PARD3B: variants seen among roughly 807,000 people sequenced by gnomAD.
The protein encoded by PARD3B is par-3 family cell polarity regulator beta.
A neutral mutation model predicts 130.2 loss-of-function variants in PARD3B; 103 were observed. The observed-to-expected ratio is 0.79, with a 90% CI of 0.67 to 0.93. PARD3B has a LOEUF of 0.93. Ranked by LOEUF, PARD3B falls within the 40% of genes least tolerant of loss-of-function variation. The probability of loss-of-function intolerance (pLI) is 0.00; values close to 1 mark genes in which losing one functional copy is unlikely to be tolerated. For synonymous variants in PARD3B, 583 were observed against 553.2 expected (o/e 1.05, Z -0.76); for missense variants, 1,609 against 1,499.2 (o/e 1.07, Z -1.21).
At chr2:205,529,803 T>C (rs2051507062) in intron 21 of PARD3B, among the ~76,000 whole-genome samples, 4 of 152,228 alleles carry the variant, frequency 2.6e-5, no homozygotes, top group Admixed American at 1.3e-4. Flanking sequence ...GTTTTCTTTT[T>C]TCATTTTTTA....
chr2:204,834,579 G>A (rs1349510328), intron 2 of PARD3B, among the ~76,000 whole-genome samples: 1 of 152,162 alleles, frequency 6.6e-6, no homozygotes, highest in East Asian at 1.9e-4. Flanking sequence ...AGATTTTAGA[G>A]TAGCATGTAT....
At chr2:205,479,106 T>C (rs1227233275) in intron 20 of PARD3B, among the ~76,000 whole-genome samples, 1 of 152,180 alleles carries the variant, frequency 6.6e-6, no homozygotes. Context: ...CACAAAGTCA[T>C]GAAGGATATA....
At chr2:205,041,779 C>T (rs1368068984) in intron 3 of PARD3B, among the ~76,000 whole-genome samples, 1 of 152,050 alleles carries the variant, frequency 6.6e-6, no homozygotes, top group Admixed American at 6.6e-5. Context: ...AGAACATGTG[C>T]CTTGTAACTT....
intron 3 of PARD3B, among the ~76,000 whole-genome samples, chr2:204,977,811 C>CAAAAA (rs35974349): frequency 9.6e-4 from 56 of 58,554 alleles, no homozygotes; most frequent in African/African-American, 1.7e-3. Flanking sequence ...GACTCCGGCT[C>CAAAAA]AAAAAAAAAA....
chr2:205,262,026 T>C (rs2040333883), intron 16 of PARD3B, among the ~76,000 whole-genome samples: 1 of 152,162 alleles, frequency 6.6e-6, no homozygotes, highest in Non-Finnish European at 1.5e-5. Flanking sequence ...TCCTCATATG[T>C]TCTCTGCTTT....
At chr2:205,007,790 A>G (rs765991837) in intron 3 of PARD3B, among the ~76,000 whole-genome samples, 3 of 152,088 alleles carry the variant, frequency 2.0e-5, no homozygotes, top group Admixed American at 1.3e-4. Context: ...GTATGATCTC[A>G]TTTTTACCAT....
intron 11 of PARD3B, 113 bp downstream of exon 11, chr2:205,159,020 C>A: frequency 8.9e-7 from 1 of 1,129,634 alleles, no homozygotes; most frequent in Non-Finnish European, 1.3e-6. Context: ...CTGAGACTTT[C>A]CCGCCAGATA....
chr2:204,648,603 T>A (rs2035357042), intron 1 of PARD3B, among the ~76,000 whole-genome samples: 1 of 127,048 alleles, frequency 7.9e-6, no homozygotes, highest in Non-Finnish European at 1.6e-5. Context: ...ATATAATATA[T>A]TTATATTTAT....
At chr2:205,093,823 T>A (rs916927561) in intron 4 of PARD3B, among the ~76,000 whole-genome samples, 1 of 152,192 alleles carries the variant, frequency 6.6e-6, no homozygotes, top group Non-Finnish European at 1.5e-5. Context: ...CCTTGTGTGA[T>A]CAGAATATAT....
Position 204,996,743 on chromosome 2 carries a change from C to T in PARD3B, c.394+31420C>T, listed in dbSNP as rs1191516469. On this transcript the variant is annotated intron_variant, in intron 3 of 22. Coordinates refer to ENST00000406610, the MANE Select transcript of PARD3B (RefSeq NM_001302769.2). ...CTAGCAATCAGCGAGATTCCGTGGG[C>T]GTAGGACCCTCCGAGCCAGGTGTGG... 8.2e-3 allele frequency among the ~76,000 whole-genome samples: 1,224 copies of T among 149,194 alleles called. 15 individuals carry two copies. The highest frequency in any genetic ancestry group is 0.028 in the African/African-American group (1,137 of 40,570).
intron 21 of PARD3B, among the ~76,000 whole-genome samples, chr2:205,535,622 A>T (rs2051815502): frequency 6.6e-6 from 1 of 152,228 alleles, no homozygotes; most frequent in South Asian, 2.1e-4. Flanking sequence ...TTTAAATAAT[A>T]GCCCACTTAA....
In PARD3B at chr2:205,263,016, CA is replaced by C. The variant is rs2040373810; in HGVS notation, c.2185+17195del. ...CATAGAATCCTACCAAAAGACAATA[CA>C]GAGCTAGATTGAAAGCCCAAGGTAC... On this transcript the variant is annotated intron_variant, in intron 16 of 22. Coordinates refer to ENST00000406610, the MANE Select transcript of PARD3B (RefSeq NM_001302769.2). This position sits in a 1 kb window ranked among gnomAD's most constrained non-coding sequence, Gnocchi z 4.0. Among the ~76,000 whole-genome samples, 1 of 151,978 alleles carries C rather than the reference CA, an allele frequency of 6.6e-6. No individual in the cohort carries two copies. Among genetic ancestry groups the C allele is most frequent in the Non-Finnish European group, 1.5e-5 (1 of 67,974 alleles).
chr2:205,204,470 A>T (rs1033092130), intron 15 of PARD3B, among the ~76,000 whole-genome samples: 1 of 152,044 alleles, frequency 6.6e-6, no homozygotes, highest in Non-Finnish European at 1.5e-5. Flanking sequence ...CCCATTTGTC[A>T]ATTTTGGCTT....
intron 2 of PARD3B, among the ~76,000 whole-genome samples, chr2:204,829,099 T>A (rs1379745804): frequency 6.6e-6 from 1 of 152,218 alleles, no homozygotes; most frequent in Admixed American, 6.5e-5. Flanking sequence ...GACAAAATCC[T>A]GACTGATCTT....
At position 205,125,485 on chromosome 2, in the gene PARD3B, A is replaced by G. The variant is rs1460838058; in HGVS notation, c.1306-124A>G. ...TTGGGTTTTGCCCATGTATTTAGTT[A>G]TCATCTTTTCAGAGCTTCCTCAAGT... On this transcript the variant is annotated intron_variant, in intron 9 of 22. Transcript: ENST00000406610. This position sits in a 1 kb window ranked among gnomAD's most constrained non-coding sequence, Gnocchi z 4.0. 3.6e-6 allele frequency: 4 copies of G among 1,099,728 alleles called. No homozygotes were observed. In the African/African-American group the frequency reaches 4.7e-5, roughly 13 times the overall value. 68.1% of individuals were successfully genotyped at this position (1,099,728 alleles called of 1,614,324 possible). A position where few individuals can be genotyped will look rare whatever the true frequency, so the allele number is the denominator to read the frequency against.
At chr2:205,152,689 A>G (rs1455452446) in intron 10 of PARD3B, among the ~76,000 whole-genome samples, 1 of 152,042 alleles carries the variant, frequency 6.6e-6, no homozygotes, top group African/African-American at 2.4e-5. Flanking sequence ...CTTCCTCGCA[A>G]TGGGTTCGAA....
rs1004483054 is a variant in PARD3B, at chr2:205,113,577, G to GGTA, written c.680+1_680+3dup. On this transcript the variant is annotated stop_gained and inframe_insertion and splice_region_variant. Coordinates refer to ENST00000406610, the MANE Select transcript of PARD3B (RefSeq NM_001302769.2). LOFTEE classifies it high-confidence loss of function. ...CCCTTCTTTTCATCTCTGAGTGGAA[G>GGTA]GTAAGATGTTTTTCTCATTCCAGAA... The GGTA allele has an allele frequency of 6.2e-6, 10 of 1,607,334 alleles. No individual in the cohort carries two copies. The Admixed American group carries it at 6.7e-5, about 11-fold the overall frequency.
At chr2:205,495,432 T>C (rs1294469345) in intron 20 of PARD3B, among the ~76,000 whole-genome samples, 1 of 152,174 alleles carries the variant, frequency 6.6e-6, no homozygotes, top group Non-Finnish European at 1.5e-5. Flanking sequence ...ATTCAGTGAA[T>C]AAATAATTAG....
intron 16 of PARD3B, among the ~76,000 whole-genome samples, chr2:205,273,939 G>A (rs2040840732): frequency 6.6e-6 from 1 of 152,148 alleles, no homozygotes; most frequent in East Asian, 1.9e-4. Context: ...TATAAAGGCT[G>A]CATGTGAATC....
Sources: gnomAD v4.1 joint callset for allele counts (sites outside exome capture counted in the v4.1 genomes callset) on GRCh38, gnomAD v4.1.1 for gene constraint, Gnocchi (gnomAD v3.1) non-coding constraint, MANE v1.5 for transcripts, NCBI Gene and HGNC (gene_info 2026-07-23, HGNC 2026-07-21) for gene names.